TERF1: variants seen among roughly 807,000 people sequenced by gnomAD.
TERF1 encodes the protein telomeric repeat-binding factor 1.
In TERF1, 20 loss-of-function variants were observed where a neutral mutation model predicts 55.1. The ratio of observed to expected loss-of-function variants is 0.36; its 90% CI spans 0.26 to 0.53. The LOEUF (loss-of-function observed/expected upper bound fraction) is 0.53. Ranked by LOEUF, TERF1 falls within the 20% of genes least tolerant of loss-of-function variation. The pLI, the probability that TERF1 is intolerant of heterozygous loss-of-function variation, is 0.91. For synonymous variants in TERF1, 168 were observed against 181.2 expected (o/e 0.93, Z 0.59); for missense variants, 439 against 535.7 (o/e 0.82, Z 1.78).
Position 73,030,205 on chromosome 8 carries a change from C to T in TERF1, c.888-131C>T, listed in dbSNP as rs181729223. 766 of 584,380 alleles carry T rather than the reference C, an allele frequency of 1.3e-3. 2 individuals carry two copies. The highest frequency in any genetic ancestry group is 9.9e-4 in the Non-Finnish European group (338 of 342,698). The allele number at this position is 584,380 out of a possible 1,614,324, so 36.2% of individuals were successfully genotyped here. On this transcript the variant is annotated intron_variant, in intron 6 of 9. Transcript: ENST00000276603. Reference sequence around the variant, plus strand: ...ATGTTGTAATGGACTGTATATGTCCCGATGTTACCAAGGTTTCTTTCCAAA... The same window carrying T: ...ATGTTGTAATGGACTGTATATGTCCTGATGTTACCAAGGTTTCTTTCCAAA...
chr8:73,029,499 C>G (rs1809183989), intron 6 of TERF1, among the ~76,000 whole-genome samples: 1 of 151,814 alleles, frequency 6.6e-6, no homozygotes, highest in Non-Finnish European at 1.5e-5. Context: ...GCCTGTAGTG[C>G]CAACTACTTA....
At chr8:73,029,831 T>C (rs1809201642) in intron 6 of TERF1, 2 of 152,154 alleles carry the variant, frequency 1.3e-5, no homozygotes, top group Non-Finnish European at 2.9e-5. Context: ...ATATTACTAG[T>C]GAAAGCATGG....
intron 7 of TERF1, chr8:73,031,516 A>G (rs1450871354): frequency 6.6e-6 from 1 of 152,206 alleles, no homozygotes; most frequent in Admixed American, 6.5e-5. Context: ...CCTTCATAAA[A>G]TTGGATTAAT....
chr8:73,022,470 A>G (rs1808806716), intron 4 of TERF1, among the ~76,000 whole-genome samples, 168 bp downstream of exon 4: 1 of 152,196 alleles, frequency 6.6e-6, no homozygotes, highest in Non-Finnish European at 1.5e-5. Flanking sequence ...AAAATTTTCT[A>G]ATAAGCTGGA....
At chr8:73,012,014 A>C (rs938835993) in intron 1 of TERF1, 2 of 152,152 alleles carry the variant, frequency 1.3e-5, no homozygotes, top group African/African-American at 4.8e-5. Context: ...TCCTTTCCTC[A>C]CTAAGCTTAA....
At chr8:73,021,823 A>T (rs528263609) in intron 3 of TERF1, among the ~76,000 whole-genome samples, 6 of 152,172 alleles carry the variant, frequency 3.9e-5, no homozygotes, top group African/African-American at 1.4e-4. Context: ...CTGACTAGCA[A>T]ATTTTATGTA....
In TERF1 at chr8:73,012,533, C is replaced by T. The variant is rs913488807; in HGVS notation, c.320-1362C>T. Reference sequence around the variant, plus strand: ...AAAAATACAAAAAAAATTAGCCAGCCTTGGTGGTGGGCGCCTGTAGTCCCA... The same window carrying T: ...AAAAATACAAAAAAAATTAGCCAGCTTTGGTGGTGGGCGCCTGTAGTCCCA... On this transcript the variant is annotated intron_variant, in intron 1 of 9. Transcript: ENST00000276603. The T allele has an allele frequency of 6.5e-5, 10 of 154,626 alleles. 1 individual carries two copies. Among genetic ancestry groups the T allele is most frequent in the Non-Finnish European group, 1.4e-4 (10 of 69,698 alleles). The allele number at this position is 154,626 out of a possible 1,614,324, so 9.6% of individuals were successfully genotyped here.
At chr8:73,032,892 A>C (rs549353033) in intron 8 of TERF1, among the ~76,000 whole-genome samples, 1 of 151,516 alleles carries the variant, frequency 6.6e-6, no homozygotes, top group South Asian at 2.1e-4. Flanking sequence ...TTTATACTTT[A>C]AGTTTTAGGG....
At chr8:73,038,777 G>A (rs1280671656) in intron 8 of TERF1, 2 of 972,308 alleles carry the variant, frequency 2.1e-6, no homozygotes, top group African/African-American at 1.8e-5. Flanking sequence ...ATGCTTCTTA[G>A]TACTCCTAAA....
intron 4 of TERF1, among the ~76,000 whole-genome samples, chr8:73,024,085 C>T (rs758653200): frequency 5.9e-5 from 9 of 152,088 alleles, no homozygotes; most frequent in Non-Finnish European, 1.3e-4. Flanking sequence ...TTTTATTGTG[C>T]AGCCAGCATT....
intron 8 of TERF1, among the ~76,000 whole-genome samples, chr8:73,037,773 TA>T (rs1265878775): frequency 1.2e-4 from 6 of 49,352 alleles, no homozygotes; most frequent in African/African-American, 4.1e-4. Context: ...TAGTATAATA[TA>T]TATATTATAT....
At chr8:73,031,913 A>C (rs936451570) in intron 7 of TERF1, 129 bp from the exon 8 acceptor site, 16 of 554,532 alleles carry the variant, frequency 2.9e-5, no homozygotes, top group Admixed American at 6.9e-5. Context: ...AAGCAGGGAG[A>C]GCACCAAAGG....
At chr8:73,020,918 C>A in intron 3 of TERF1, 113 bp downstream of exon 3, 1 of 739,020 alleles carries the variant, frequency 1.4e-6, no homozygotes, top group Non-Finnish European at 2.1e-6. Context: ...TATTGTTTCT[C>A]TTCAGAAATT....
At chr8:73,009,549 C>T in intron 1 of TERF1, 2 of 245,202 alleles carry the variant, frequency 8.2e-6, no homozygotes, top group South Asian at 7.7e-5. Context: ...TAATATTCAG[C>T]AGTCCCTGTG....
At chr8:73,034,121 TTTTGTTTG>T (rs146008426) in intron 8 of TERF1, among the ~76,000 whole-genome samples, 7 of 150,398 alleles carry the variant, frequency 4.7e-5, no homozygotes, top group South Asian at 2.1e-4. Flanking sequence ...CCTGCTATTT[TTTTGTTTG>T]TTTGTTTGTT....
intron 9 of TERF1, among the ~76,000 whole-genome samples, chr8:73,044,066 T>C (rs988904412): frequency 6.6e-6 from 1 of 152,204 alleles, no homozygotes; most frequent in Non-Finnish European, 1.5e-5. Flanking sequence ...GAAGTGCTTT[T>C]AATCAGTCAC....
intron 8 of TERF1, among the ~76,000 whole-genome samples, chr8:73,036,886 T>C (rs1401750987): frequency 6.9e-6 from 1 of 144,744 alleles, no homozygotes; most frequent in Non-Finnish European, 1.5e-5. Flanking sequence ...ATGAGGGAAG[T>C]TGTTTAATTT....
At chr8:73,018,685 A>G (rs533338601) in intron 2 of TERF1, among the ~76,000 whole-genome samples, 19 of 152,330 alleles carry the variant, frequency 1.2e-4, no homozygotes, top group African/African-American at 4.3e-4. Flanking sequence ...CAAAAAATAA[A>G]TAAGTAAAAA....
In TERF1 at chr8:73,037,610, TTA is replaced by T. The variant is rs533362865; in HGVS notation, c.1040-1498_1040-1497del. On this transcript the variant is annotated intron_variant, in intron 8 of 9. Coordinates refer to ENST00000276603, the MANE Select transcript of TERF1 (RefSeq NM_017489.3). ...ATATATATAACATATCATAAATTTA[TTA>T]TATATATTATATATTATATATAACA... is the stretch of plus-strand genomic sequence containing the variant. Among the ~76,000 whole-genome samples the T allele has an allele frequency of 6.8e-5, 7 of 102,726 alleles. No individual in the cohort carries two copies. The East Asian group carries it at 1.1e-3, about 17-fold the overall frequency. 67.4% of individuals were successfully genotyped at this position (102,726 alleles called of 152,430 possible).
Sources: allele counts gnomAD v4.1 joint callset (sites outside exome capture counted in the v4.1 genomes callset), GRCh38; gene constraint gnomAD v4.1.1; transcripts MANE v1.5; gene names NCBI Gene and HGNC (gene_info 2026-07-23, HGNC 2026-07-21).